The following TAFA1 variants were observed in gnomAD, a reference collection of about 807,000 sequenced individuals.
TAFA1 encodes the protein TAFA chemokine like family member 1.
Under a neutral mutation model 18.5 loss-of-function variants are expected in TAFA1, and 4 were observed. The observed-to-expected ratio is 0.22, with a 90% CI of 0.11 to 0.49. TAFA1 has a LOEUF of 0.49. TAFA1 is among the 20% of genes least tolerant of loss of function. The probability of loss-of-function intolerance (pLI) is 0.98; values close to 1 mark genes in which losing one functional copy is unlikely to be tolerated. For missense variants in TAFA1, 147 were observed against 169.0 expected (o/e 0.87, Z 0.72); for synonymous variants, 56 against 55.2 (o/e 1.01, Z -0.06).
chr3:68,062,516 A>T (rs2064617372), intron 2 of TAFA1, among the ~76,000 whole-genome samples: 1 of 152,238 alleles, frequency 6.6e-6, no homozygotes, highest in Non-Finnish European at 1.5e-5. Flanking sequence ...GCAAGAACAA[A>T]GCATGAATGA....
chr3:68,447,171 T>C (rs1302519866), intron 3 of TAFA1, among the ~76,000 whole-genome samples: 1 of 152,204 alleles, frequency 6.6e-6, no homozygotes, highest in Non-Finnish European at 1.5e-5. Context: ...CCATGTATTA[T>C]TGTAGGCATT....
At chr3:68,341,180 A>G (rs959930225) in intron 2 of TAFA1, among the ~76,000 whole-genome samples, 1 of 152,168 alleles carries the variant, frequency 6.6e-6, no homozygotes, top group Non-Finnish European at 1.5e-5. Context: ...TTAATACTCA[A>G]ATCAGTCTCT....
At chr3:68,254,446 T>C (rs2067259237) in intron 2 of TAFA1, among the ~76,000 whole-genome samples, 1 of 152,092 alleles carries the variant, frequency 6.6e-6, no homozygotes, top group Non-Finnish European at 1.5e-5. Flanking sequence ...TCAGAAGACT[T>C]TTTTAAACCT....
At chr3:68,215,760 C>A (rs948951937) in intron 2 of TAFA1, among the ~76,000 whole-genome samples, 9 of 152,036 alleles carry the variant, frequency 5.9e-5, no homozygotes, top group Non-Finnish European at 1.2e-4. Context: ...CAGTTTCTTA[C>A]AAAGCTAAAC....
At chr3:68,005,496 T>C (rs1704341914) in intron 1 of TAFA1, among the ~76,000 whole-genome samples, 1 of 152,270 alleles carries the variant, frequency 6.6e-6, no homozygotes, top group South Asian at 2.1e-4. Context: ...ATATGATGTA[T>C]ATTTTTGTTT....
At chr3:68,032,079 C>G (rs758386229) in intron 2 of TAFA1, among the ~76,000 whole-genome samples, 3 of 152,062 alleles carry the variant, frequency 2.0e-5, no homozygotes, top group Non-Finnish European at 4.4e-5. Flanking sequence ...TCTTAAATAT[C>G]ATGTAGGTAC....
intron 2 of TAFA1, among the ~76,000 whole-genome samples, chr3:68,227,855 C>T (rs2066822233): frequency 6.6e-6 from 1 of 152,154 alleles, no homozygotes; most frequent in African/African-American, 2.4e-5. Flanking sequence ...ACTACATGTG[C>T]TCCATGGAGC....
At chr3:68,351,640 G>C (rs1559629451) in intron 2 of TAFA1, among the ~76,000 whole-genome samples, 1 of 151,972 alleles carries the variant, frequency 6.6e-6, no homozygotes, top group Non-Finnish European at 1.5e-5. Flanking sequence ...GAGTTGACAA[G>C]ACAAAGGAAA....
chr3:67,997,539 T>A, the TAFA1 span, among the ~76,000 whole-genome samples: 1 of 152,198 alleles, frequency 6.6e-6, no homozygotes, highest in African/African-American at 2.4e-5. Context: ...GTTTTTCTAC[T>A]ATTTCTGGAA....
intron 2 of TAFA1, among the ~76,000 whole-genome samples, chr3:68,063,572 C>T (rs1189151582): frequency 1.3e-5 from 2 of 152,056 alleles, no homozygotes; most frequent in Admixed American, 1.3e-4. Flanking sequence ...AGTCTTGTGA[C>T]TTTGCCACCA....
chr3:68,114,856 T>C (rs972565792), intron 2 of TAFA1, among the ~76,000 whole-genome samples: 4 of 152,094 alleles, frequency 2.6e-5, no homozygotes, highest in African/African-American at 9.7e-5. Context: ...TGGAATCCTA[T>C]AAAACAGTGA....
In TAFA1 at chr3:68,195,992, TC is replaced by T. The variant is rs551823598; in HGVS notation, c.118+189249del. ...AAATATTTTCTCTCTTCTTCTGGTC[TC>T]AATAGCATCAGAAATGTATAGAGTT... On this transcript the variant is annotated intron_variant, in intron 2 of 4. Coordinates refer to ENST00000478136, the MANE Select transcript of TAFA1 (RefSeq NM_213609.4). Among the ~76,000 whole-genome samples the T allele has an allele frequency of 7.2e-4, 110 of 151,882 alleles. 1 individual carries two copies. Among genetic ancestry groups the T allele is most frequent in the Admixed American group, 6.6e-3 (101 of 15,236 alleles).
intron 3 of TAFA1, among the ~76,000 whole-genome samples, chr3:68,485,739 C>T (rs993932811): frequency 5.9e-5 from 9 of 152,132 alleles, no homozygotes; most frequent in African/African-American, 2.2e-4. Flanking sequence ...TGGTAGTTCA[C>T]CACTGATTTG....
chr3:68,240,658 T>G (rs1014443571), intron 2 of TAFA1, among the ~76,000 whole-genome samples: 2 of 152,144 alleles, frequency 1.3e-5, no homozygotes, highest in East Asian at 3.9e-4. Context: ...AACTGTTAAG[T>G]GTATATCACT....
chr3:68,331,720 C>A (rs576288504), intron 2 of TAFA1, among the ~76,000 whole-genome samples: 2 of 151,974 alleles, frequency 1.3e-5, no homozygotes, highest in African/African-American at 4.8e-5. Context: ...TATTACAGAG[C>A]TACAGGTGTA....
intron 2 of TAFA1, among the ~76,000 whole-genome samples, chr3:68,053,337 T>C (rs543314385): frequency 6.6e-6 from 1 of 152,144 alleles, no homozygotes; most frequent in Non-Finnish European, 1.5e-5. Flanking sequence ...ATAGGTTGCC[T>C]ATTTAAATCT....
chr3:68,419,199 A>G (rs1283279964), intron 3 of TAFA1, among the ~76,000 whole-genome samples: 2 of 152,196 alleles, frequency 1.3e-5, no homozygotes, highest in South Asian at 2.1e-4. Flanking sequence ...TATTTCCACA[A>G]TATCCTACAG....
At chr3:68,098,461 T>C (rs1303252755) in intron 2 of TAFA1, among the ~76,000 whole-genome samples, 4 of 151,992 alleles carry the variant, frequency 2.6e-5, no homozygotes, top group Non-Finnish European at 4.4e-5. Context: ...TCTTAGTGAG[T>C]TTTTACTAGG....
chr3:68,430,700 A>G (rs911844342), intron 3 of TAFA1, among the ~76,000 whole-genome samples: 10 of 152,012 alleles, frequency 6.6e-5, no homozygotes, highest in African/African-American at 1.4e-4. Context: ...TCTTTTTGAT[A>G]CTACCAGCCT....
Sources: gnomAD v4.1 joint callset for allele counts (sites outside exome capture counted in the v4.1 genomes callset) on GRCh38, gnomAD v4.1.1 for gene constraint, MANE v1.5 for transcripts, NCBI Gene and HGNC (gene_info 2026-07-23, HGNC 2026-07-21) for gene names.